Variants in NRAP observed in about 807,000 individuals in gnomAD.
NRAP encodes nebulin-related-anchoring protein.
In NRAP, 189 loss-of-function variants were observed where a neutral mutation model predicts 225.9. The observed-to-expected ratio is 0.84, with a 90% CI of 0.74 to 0.94. The LOEUF (loss-of-function observed/expected upper bound fraction) is 0.94. Ranked by LOEUF, NRAP falls within the 40% of genes least tolerant of loss-of-function variation. The pLI is 0.00. For synonymous variants in NRAP, 769 were observed against 790.7 expected (o/e 0.97, Z 0.46); for missense variants, 2,176 against 2,168.7 (o/e 1.00, Z -0.07).
chr10:113,633,805 G>A (rs894621596), intron 15 of NRAP, among the ~76,000 whole-genome samples: 13 of 152,100 alleles, frequency 8.5e-5, no homozygotes, highest in African/African-American at 3.1e-4. Context: ...CTTGAAATTG[G>A]CTTCAAAATA....
In NRAP at chr10:113,624,860, A is replaced by G. The variant is rs1322014799; in HGVS notation, c.2315T>C (p.Leu772Pro). 4 of 1,614,116 alleles carry G rather than the reference A, an allele frequency of 2.5e-6. No individual in the cohort carries two copies. In the South Asian group the frequency reaches 4.4e-5, roughly 18 times the overall value. ...ATTTGCAGCATTGGCTCGGGCCTGC[A>G]GGAAGAGAGGCTCGTCTTTGCTGAT... ...YTISKDEPLF[L>P]QARANAANLS... The change falls in exon 22 of 42, where the codon CTG becomes CCG. Residue 772 changes from leucine (L) to proline (P), a missense_variant. By Grantham distance (98) the Leu-to-Pro change is moderately conservative. Coordinates refer to ENST00000359988, the MANE Select transcript of NRAP (RefSeq NM_198060.4).
intron 32 of NRAP, among the ~76,000 whole-genome samples, chr10:113,606,968 T>C (rs898486054): frequency 3.3e-5 from 5 of 151,954 alleles, no homozygotes; most frequent in Non-Finnish European, 5.9e-5. Context: ...TGTAGGAGGC[T>C]GAGGTGGATG....
At position 113,623,644 on chromosome 10, in the gene NRAP, G is replaced by T. The variant is rs1332000090; in HGVS notation, c.2350-8C>A. 2 of 1,593,436 alleles carry T rather than the reference G, an allele frequency of 1.3e-6. No individual in the cohort carries two copies. The highest frequency in any genetic ancestry group is 1.7e-5 in the Admixed American group (1 of 59,762). On this transcript the variant is annotated splice_polypyrimidine_tract_variant and splice_region_variant and intron_variant, in intron 22 of 41. Transcript: ENST00000359988. ...GCTGCTCTTATACAGTTTCTAAGGG[G>T]ATTTAGGAGAGAAGGTGAGTGGGTT...
chr10:113,655,769 G>A (rs1324338741), intron 4 of NRAP, among the ~76,000 whole-genome samples: 1 of 152,024 alleles, frequency 6.6e-6, no homozygotes, highest in Admixed American at 6.6e-5. Flanking sequence ...CATACTTAAT[G>A]GTGCACCTAT....
intron 18 of NRAP, 122 bp from the exon 19 acceptor site, chr10:113,629,907 T>C: frequency 3.0e-6 from 2 of 663,862 alleles, no homozygotes. Context: ...CTCTGGGCAC[T>C]GCCACCCTTC....
chr10:113,620,575 G>A (rs763819629), intron 25 of NRAP, 29 bp downstream of exon 25: 1 of 1,358,806 alleles, frequency 7.4e-7, no homozygotes, highest in African/African-American at 1.4e-5. Context: ...ATGCAGCCAG[G>A]CCTGTTACAG....
chr10:113,592,834 T>G (rs1846069539), intron 38 of NRAP, among the ~76,000 whole-genome samples: 1 of 152,228 alleles, frequency 6.6e-6, no homozygotes, highest in South Asian at 2.1e-4. Context: ...CCCTGGTGCC[T>G]GCACGAAGGG....
intron 12 of NRAP, among the ~76,000 whole-genome samples, chr10:113,642,496 C>T (rs912339415): frequency 2.0e-5 from 3 of 152,102 alleles, no homozygotes; most frequent in East Asian, 1.9e-4. Flanking sequence ...GCGAATGCCC[C>T]TCTAGTACAT....
chr10:113,607,426 AAAAAAAAAAAGAAAAGAAAG>A (rs1847055903), intron 32 of NRAP, among the ~76,000 whole-genome samples: 2 of 144,632 alleles, frequency 1.4e-5, no homozygotes, highest in South Asian at 2.2e-4. Flanking sequence ...AAAAAAAAAA[AAAAAAAAAAAGAAAAGAAAG>A]AAAGAAAAGA....
intron 34 of NRAP, 102 bp downstream of exon 34, chr10:113,605,660 G>T: frequency 1.3e-6 from 1 of 762,090 alleles, no homozygotes; most frequent in Non-Finnish European, 2.3e-6. Context: ...TGTCTCACAT[G>T]GTTATAGATT....
intron 29 of NRAP, 48 bp from the exon 30 acceptor site, chr10:113,612,479 G>T: frequency 2.6e-6 from 4 of 1,516,566 alleles, no homozygotes; most frequent in Non-Finnish European, 3.7e-6. Context: ...GCCACTATTT[G>T]CAACAGGACC....
intron 25 of NRAP, 140 bp from the exon 26 acceptor site, chr10:113,617,693 T>TAGG: frequency 3.1e-6 from 2 of 636,792 alleles, no homozygotes; most frequent in South Asian, 3.6e-5. Flanking sequence ...CTTTATATCC[T>TAGG]AGGTGCCTTC....
intron 34 of NRAP, among the ~76,000 whole-genome samples, chr10:113,605,131 G>A (rs181881647): frequency 1.3e-5 from 2 of 152,198 alleles, no homozygotes; most frequent in Non-Finnish European, 2.9e-5. Context: ...CAGAACTAAA[G>A]GAAGGGCTTC....
In NRAP at chr10:113,593,988, C is replaced by T. The variant is rs139733921; in HGVS notation, c.4536+1635G>A. Among the ~76,000 whole-genome samples the T allele has an allele frequency of 5.3e-3, 803 of 152,318 alleles. 3 individuals carry two copies. Among genetic ancestry groups the T allele is most frequent in the Non-Finnish European group, 9.4e-3 (642 of 68,030 alleles). Reference sequence around the variant, plus strand: ...GCCCCTTTCTCTGGGCGACTTCTCCCTGTGTACTATTTGCTTGGTTGTGAT... The same window carrying T: ...GCCCCTTTCTCTGGGCGACTTCTCCTTGTGTACTATTTGCTTGGTTGTGAT... On this transcript the variant is annotated intron_variant, in intron 38 of 41. Coordinates refer to ENST00000359988, the MANE Select transcript of NRAP (RefSeq NM_198060.4).
chr10:113,588,759 C>T lies in NRAP; in HGVS notation c.*216G>A, dbSNP rs988732137. On this transcript the variant is annotated 3_prime_UTR_variant, in exon 42 of 42. Transcript: ENST00000359988. ...ATCTTTATTCCTCAGCCCAGACACT[C>T]GAGGCACTCAACAGAATCAGCCATC... 7.3e-5 allele frequency: 42 copies of T among 573,372 alleles called. No individual in the cohort carries two copies. Among genetic ancestry groups the T allele is most frequent in the African/African-American group, 6.9e-4 (37 of 53,440 alleles). 35.5% of individuals were successfully genotyped at this position (573,372 alleles called of 1,614,324 possible).
At chr10:113,593,785 C>A (rs1846129422) in intron 38 of NRAP, among the ~76,000 whole-genome samples, 1 of 152,220 alleles carries the variant, frequency 6.6e-6, no homozygotes. Flanking sequence ...GCACACCATG[C>A]CTTCCTAATA....
intron 19 of NRAP, among the ~76,000 whole-genome samples, 162 bp from the exon 20 acceptor site, chr10:113,629,183 AC>A (rs1848441740): frequency 6.6e-6 from 1 of 152,184 alleles, no homozygotes; most frequent in Non-Finnish European, 1.5e-5. Flanking sequence ...AGGTACAGCC[AC>A]CGGGCCCACC....
intron 35 of NRAP, among the ~76,000 whole-genome samples, chr10:113,600,875 G>T (rs1846557171): frequency 6.6e-6 from 1 of 152,216 alleles, no homozygotes; most frequent in Non-Finnish European, 1.5e-5. Context: ...GCCTAGCCCA[G>T]GGTAAGCATT....
Position 113,590,885 on chromosome 10 carries a change from C to G in NRAP, c.4649G>C (p.Arg1550Pro). 1 of 1,613,214 alleles carries G rather than the reference C, an allele frequency of 6.2e-7. No individual in the cohort carries two copies. The highest frequency in any genetic ancestry group is 1.3e-5 in the African/African-American group (1 of 75,032). Reference sequence around the variant, plus strand: ...GTCCCGCAGGAAAGCCTCTTTGTACCGGAACTGCAAGTCAGAGGAGCAGAG... The same window carrying G: ...GTCCCGCAGGAAAGCCTCTTTGTACGGGAACTGCAAGTCAGAGGAGCAGAG... ...RASREIASDF[R>P]YKEAFLRDRG... The change falls in exon 40 of 42, where the codon CGG becomes CCG. Residue 1550 changes from arginine (R) to proline (P), a missense_variant. Around this residue, in one of 3 missense-constraint regions of NRAP, gnomAD observed 445 missense variants for 426.1 expected, o/e 1.04. Transcript: ENST00000359988.
Sources: gnomAD v4.1 joint callset for allele counts (sites outside exome capture counted in the v4.1 genomes callset) on GRCh38, gnomAD v4.1.1 for gene constraint, gnomAD v4.1.1 regional missense constraint, MANE v1.5 for transcripts, NCBI Gene and HGNC (gene_info 2026-07-23, HGNC 2026-07-21) for gene names.